The following TENM2 variants were observed in gnomAD, a reference collection of about 807,000 sequenced individuals.
TENM2 encodes the protein teneurin transmembrane protein 2, also known as teneurin-2.
In TENM2, 52 loss-of-function variants were observed where a neutral mutation model predicts 245.2. The ratio of observed to expected loss-of-function variants is 0.21; its 90% CI spans 0.17 to 0.27. The LOEUF is 0.27. Among genes scored for constraint, TENM2 ranks in the 10% least tolerant of loss-of-function variants. TENM2 has a pLI of 1.00. For synonymous variants in TENM2, 1,363 were observed against 1,438.9 expected (o/e 0.95, Z 1.19); for missense variants, 3,046 against 3,666.8 (o/e 0.83, Z 4.37).
intron 5 of TENM2, among the ~76,000 whole-genome samples, chr5:168,028,335 C>T (rs971116926): frequency 3.3e-5 from 5 of 152,116 alleles, no homozygotes; most frequent in African/African-American, 1.2e-4. Flanking sequence ...ACGAGACAGC[C>T]AGGCAGTTTT....
chr5:168,104,440 C>T (rs34000130), intron 9 of TENM2, among the ~76,000 whole-genome samples: 72,046 of 152,112 alleles, frequency 0.47, 17,087 homozygotes, highest in East Asian at 0.64. Flanking sequence ...CCGGAATTCC[C>T]TGGCTCTGCC....
chr5:167,655,100 T>C (rs1226576142), intron 2 of TENM2, among the ~76,000 whole-genome samples: 4 of 152,186 alleles, frequency 2.6e-5, no homozygotes, highest in African/African-American at 9.6e-5. Flanking sequence ...TTGTTTGCGC[T>C]AGTGTTGGTT....
chr5:167,532,204 C>T (rs1771549379), intron 2 of TENM2, among the ~76,000 whole-genome samples: 1 of 151,944 alleles, frequency 6.6e-6, no homozygotes, highest in Non-Finnish European at 1.5e-5. Flanking sequence ...CTCATTAAGA[C>T]ATTTAAGGTG....
intron 2 of TENM2, among the ~76,000 whole-genome samples, chr5:167,401,225 A>C (rs1186102720): frequency 6.6e-6 from 1 of 152,128 alleles, no homozygotes; most frequent in African/African-American, 2.4e-5. Flanking sequence ...TACAGTAGAC[A>C]ATCGAACGGT....
chr5:168,079,860 G>C (rs1222023988), intron 7 of TENM2, among the ~76,000 whole-genome samples: 4 of 152,174 alleles, frequency 2.6e-5, no homozygotes, highest in Admixed American at 6.5e-5. Context: ...TTTTGTATCA[G>C]TGTTCATCAG....
the TENM2 span, among the ~76,000 whole-genome samples, chr5:166,989,805 G>A: frequency 2.0e-5 from 3 of 150,230 alleles, no homozygotes; most frequent in South Asian, 6.4e-4. Flanking sequence ...AGATCAATGA[G>A]AACTTCTCTG....
intron 4 of TENM2, among the ~76,000 whole-genome samples, chr5:167,979,448 T>C (rs1782671691): frequency 6.6e-6 from 1 of 152,096 alleles, no homozygotes; most frequent in Admixed American, 6.5e-5. Flanking sequence ...CTTCTAGACT[T>C]ATAGGAAGAT....
chr5:167,670,706 T>C (rs570061895), intron 2 of TENM2, among the ~76,000 whole-genome samples: 29 of 152,162 alleles, frequency 1.9e-4, no homozygotes, highest in Non-Finnish European at 4.0e-4. Context: ...ATCCTTCCAC[T>C]TTTTTCCTTG....
chr5:167,861,338 G>A (rs1264420675), intron 2 of TENM2, among the ~76,000 whole-genome samples: 3 of 152,168 alleles, frequency 2.0e-5, no homozygotes, highest in Non-Finnish European at 4.4e-5. Flanking sequence ...GGTGCCGGGC[G>A]TGGAGACCAG....
intron 2 of TENM2, among the ~76,000 whole-genome samples, chr5:167,469,801 A>C (rs965989119): frequency 6.6e-6 from 1 of 152,134 alleles, no homozygotes. Flanking sequence ...AAAGAAACTA[A>C]ATAATGGAGA....
At position 167,350,916 on chromosome 5, in the gene TENM2, A is replaced by G. The variant is rs978659380; in HGVS notation, c.227-24282A>G. On this transcript the variant is annotated intron_variant, in intron 1 of 28. Coordinates refer to ENST00000518659, the Ensembl canonical transcript of TENM2. ...GTATACATATGGATATATATATGGGATATATACATATGGATATATATATGG... is the reference window on the plus strand; with the variant it reads ...GTATACATATGGATATATATATGGGGTATATACATATGGATATATATATGG... Among the ~76,000 whole-genome samples, 12 of 66,508 alleles carry G rather than the reference A, an allele frequency of 1.8e-4. 1 individual carries two copies. Among genetic ancestry groups the G allele is most frequent in the African/African-American group, 2.3e-4 (5 of 21,558 alleles). 43.6% of individuals were successfully genotyped at this position (66,508 alleles called of 152,430 possible).
chr5:167,173,214 C>T, the TENM2 span, among the ~76,000 whole-genome samples: 1 of 152,176 alleles, frequency 6.6e-6, no homozygotes, highest in Non-Finnish European at 1.5e-5. Context: ...CTTTTTAAAA[C>T]TATAGGCCAC....
chr5:168,099,057 G>A (rs1258843204), intron 9 of TENM2, among the ~76,000 whole-genome samples: 3 of 152,026 alleles, frequency 2.0e-5, no homozygotes, highest in African/African-American at 7.2e-5. Context: ...TTACAGGCAT[G>A]TGCCACCACA....
At chr5:167,986,605 G>A (rs987431369) in intron 4 of TENM2, among the ~76,000 whole-genome samples, 6 of 152,164 alleles carry the variant, frequency 3.9e-5, no homozygotes, top group Non-Finnish European at 5.9e-5. Flanking sequence ...CTTTCCTTTC[G>A]GAGGCACAAG....
At chr5:167,898,537 C>T (rs1775430422) in intron 3 of TENM2, among the ~76,000 whole-genome samples, 1 of 152,130 alleles carries the variant, frequency 6.6e-6, no homozygotes, top group Non-Finnish European at 1.5e-5. Flanking sequence ...AGCCTGGACA[C>T]CACAGTGTTT....
exon 10 of TENM2, chr5:168,118,418 G>C: frequency 1.9e-6 from 3 of 1,610,530 alleles, no homozygotes; most frequent in Non-Finnish European, 2.5e-6. Flanking sequence ...TCCTGCGGGG[G>C]CCACGGCTCC....
At chr5:166,980,817 G>A in the TENM2 span, among the ~76,000 whole-genome samples, 5 of 152,134 alleles carry the variant, frequency 3.3e-5, no homozygotes, top group Non-Finnish European at 5.9e-5. Flanking sequence ...AAACTGAGAT[G>A]AGGACATCCA....
At chr5:167,347,537 C>A (rs1045475412) in intron 1 of TENM2, among the ~76,000 whole-genome samples, 1 of 152,194 alleles carries the variant, frequency 6.6e-6, no homozygotes, top group Non-Finnish European at 1.5e-5. Context: ...CATGTCCCAG[C>A]TACTTTACTA....
At chr5:168,207,411 C>T (rs558099430) in intron 19 of TENM2, among the ~76,000 whole-genome samples, 13 of 152,284 alleles carry the variant, frequency 8.5e-5, no homozygotes, top group African/African-American at 3.1e-4. Context: ...CACGTGGTGA[C>T]ATTAGGACAG....
Sources: allele counts gnomAD v4.1 joint callset (sites outside exome capture counted in the v4.1 genomes callset), GRCh38; gene constraint gnomAD v4.1.1; transcripts MANE v1.5; gene names NCBI Gene and HGNC (gene_info 2026-07-23, HGNC 2026-07-21).